CADPS: variants seen among roughly 807,000 people sequenced by gnomAD.
CADPS encodes calcium dependent secretion activator.
Under a neutral mutation model 167.3 loss-of-function variants are expected in CADPS, and 57 were observed. That is an observed-to-expected ratio of 0.34 (90% CI 0.28 to 0.42). The LOEUF (loss-of-function observed/expected upper bound fraction) is 0.42. Ranked by LOEUF, CADPS falls within the 20% of genes least tolerant of loss-of-function variation. The pLI, the probability that CADPS is intolerant of heterozygous loss-of-function variation, is 1.00. For missense variants in CADPS, 1,414 were observed against 1,738.1 expected, an observed-to-expected ratio of 0.81 and a Z score of 3.32; for synonymous variants, 676 against 635.3, an observed-to-expected ratio of 1.06 and a Z score of -0.96.
At chr3:62,609,796 C>T (rs2061238641) in intron 6 of CADPS, among the ~76,000 whole-genome samples, 1 of 152,050 alleles carries the variant, frequency 6.6e-6, no homozygotes, top group South Asian at 2.1e-4. Context: ...CCTTTAAAAA[C>T]CCAAGTAGAG....
At chr3:62,670,943 T>G (rs1305190072) in intron 3 of CADPS, among the ~76,000 whole-genome samples, 1 of 152,220 alleles carries the variant, frequency 6.6e-6, no homozygotes, top group Non-Finnish European at 1.5e-5. Context: ...CTTAGCTCTC[T>G]CTTCCACCCC....
intron 3 of CADPS, among the ~76,000 whole-genome samples, chr3:62,728,751 C>T (rs968223172): frequency 1.3e-5 from 2 of 151,874 alleles, no homozygotes; most frequent in Non-Finnish European, 2.9e-5. Context: ...GAAAGTGAAA[C>T]ATATCTGTGT....
rs147925292 is a variant in CADPS, at chr3:62,829,821, A to G, written c.441+44768T>C. Among the ~76,000 whole-genome samples, 1,018 of 152,308 alleles carry G rather than the reference A, an allele frequency of 6.7e-3. 45 individuals are homozygous for G. Among genetic ancestry groups the G allele is most frequent in the Admixed American group, 0.06 (911 of 15,290 alleles). On this transcript the variant is annotated intron_variant, in intron 1 of 29. Transcript: ENST00000383710. ...AGCCAAAAAATAGTTCCTACTGAGA[A>G]GGAACTACTGAGAAGAATGCAAAAT...
At chr3:62,538,542 G>A (rs775892316) in intron 11 of CADPS, among the ~76,000 whole-genome samples, 8 of 151,936 alleles carry the variant, frequency 5.3e-5, no homozygotes, top group Non-Finnish European at 1.2e-4. Flanking sequence ...TCCATCCCTC[G>A]CCTCCCAATT....
intron 12 of CADPS, among the ~76,000 whole-genome samples, chr3:62,535,230 CTTTTTCTTTTTT>C (rs1036378207): frequency 6.7e-6 from 1 of 148,256 alleles, no homozygotes; most frequent in African/African-American, 2.5e-5. Flanking sequence ...TTTTCTTTTT[CTTTTTCTTTTTT>C]TTTTTTTAAG....
chr3:62,686,787 C>A (rs1405201829), intron 3 of CADPS, among the ~76,000 whole-genome samples: 2 of 152,044 alleles, frequency 1.3e-5, no homozygotes. Context: ...TTTAAAATGA[C>A]CTTTTATTTA....
chr3:62,429,613 T>TTGTG (rs141798520), intron 28 of CADPS, among the ~76,000 whole-genome samples: 19 of 149,738 alleles, frequency 1.3e-4, no homozygotes, highest in African/African-American at 4.1e-4. Context: ...CTCTGTGTGT[T>TTGTG]TGTGTGTGTG....
At chr3:62,824,836 C>T (rs556335047) in intron 1 of CADPS, among the ~76,000 whole-genome samples, 170 of 152,178 alleles carry the variant, frequency 1.1e-3, no homozygotes, top group Non-Finnish European at 2.0e-3. Flanking sequence ...CTTCTAAGAA[C>T]GCTTGTTTTC....
At chr3:62,639,982 G>T (rs1323910432) in intron 6 of CADPS, among the ~76,000 whole-genome samples, 1 of 152,022 alleles carries the variant, frequency 6.6e-6, no homozygotes, top group East Asian at 1.9e-4. Context: ...ATTATAATCT[G>T]TTGTTACCCT....
At chr3:62,841,829 T>G (rs1308266285) in intron 1 of CADPS, among the ~76,000 whole-genome samples, 1 of 152,224 alleles carries the variant, frequency 6.6e-6, no homozygotes, top group African/African-American at 2.4e-5. Context: ...CAATTCTGTT[T>G]GCCAAATTTG....
intron 7 of CADPS, among the ~76,000 whole-genome samples, chr3:62,585,859 T>A (rs1190997860): frequency 6.6e-6 from 1 of 152,174 alleles, no homozygotes; most frequent in Non-Finnish European, 1.5e-5. Flanking sequence ...TTCAACCTGA[T>A]TTCACCTGGC....
rs1437720392 is a variant in CADPS at position 62,421,961 on chromosome 3, T to C, written c.3777+16143A>G. ...AAAGCAGGTTGTGTTATTTACATAT[T>C]TCTTTTGATAAGCCTCCTTGCCTGG... On this transcript the variant is annotated intron_variant, in intron 28 of 29. Transcript: ENST00000383710. The surrounding 1 kb of genome is among the most constrained non-coding windows in gnomAD (Gnocchi z 4.7). 1.3e-5 allele frequency among the ~76,000 whole-genome samples: 2 copies of C among 152,258 alleles called. No individual in the cohort carries two copies. Among genetic ancestry groups the C allele is most frequent in the Admixed American group, 6.5e-5 (1 of 15,284 alleles).
chr3:62,859,582 T>C (rs1346083865), intron 1 of CADPS, among the ~76,000 whole-genome samples: 6 of 152,172 alleles, frequency 3.9e-5, no homozygotes, highest in Admixed American at 1.3e-4. Context: ...TCTGTTTACT[T>C]TGAAGGTCTA....
rs372454686 is a variant in CADPS, at chr3:62,433,058, G to A, written c.3777+5046C>T. 9.9e-5 allele frequency among the ~76,000 whole-genome samples: 15 copies of A among 152,088 alleles called. No individual in the cohort carries two copies. Among genetic ancestry groups the A allele is most frequent in the East Asian group, 1.9e-4 (1 of 5,188 alleles). On this transcript the variant is annotated intron_variant, in intron 28 of 29. Transcript: ENST00000383710. The surrounding 1 kb of genome is among the most constrained non-coding windows in gnomAD (Gnocchi z 4.7). ...TGGTGATATACCTTACAGATATAGC[G>A]TCATGTCCTCCTTGTAGCCTATTAT...
Position 62,544,504 on chromosome 3 carries a change from G to T in CADPS, c.1966+5399C>A, listed in dbSNP as rs1182477360. ...TTTTCAGGCATTAAGCAGTCAGGTA[G>T]CTGTGAATTACATGAAACAAAGGCA... On this transcript the variant is annotated intron_variant, in intron 11 of 29. Transcript: ENST00000383710. The surrounding 1 kb of genome is among the most constrained non-coding windows in gnomAD (Gnocchi z 4.4). 2.0e-5 allele frequency among the ~76,000 whole-genome samples: 3 copies of T among 152,108 alleles called. No homozygotes were observed. Among genetic ancestry groups the T allele is most frequent in the Admixed American group, 1.3e-4 (2 of 15,260 alleles).
At chr3:62,573,592 G>A (rs2081706476) in intron 8 of CADPS, among the ~76,000 whole-genome samples, 1 of 152,144 alleles carries the variant, frequency 6.6e-6, no homozygotes, top group African/African-American at 2.4e-5. Context: ...TTGTGTATCT[G>A]TAATTCCTGA....
intron 3 of CADPS, among the ~76,000 whole-genome samples, chr3:62,699,642 T>C (rs2081025405): frequency 6.6e-6 from 1 of 152,062 alleles, no homozygotes; most frequent in Non-Finnish European, 1.5e-5. Context: ...CATCTTGGCT[T>C]ACTACATCCT....
chr3:62,502,093 T>C (rs1049840836), intron 17 of CADPS, among the ~76,000 whole-genome samples: 19 of 152,236 alleles, frequency 1.2e-4, no homozygotes, highest in African/African-American at 4.3e-4. Flanking sequence ...TTAGCTGTGA[T>C]TCCATCATCT....
At chr3:62,739,210 C>T (rs1272982278) in intron 3 of CADPS, among the ~76,000 whole-genome samples, 2 of 152,142 alleles carry the variant, frequency 1.3e-5, no homozygotes, top group Non-Finnish European at 1.5e-5. Flanking sequence ...TGTCCAATGG[C>T]CATGTGAAAA....
Sources: gnomAD v4.1 joint callset for allele counts (sites outside exome capture counted in the v4.1 genomes callset) on GRCh38, gnomAD v4.1.1 for gene constraint, Gnocchi (gnomAD v3.1) non-coding constraint, MANE v1.5 for transcripts, NCBI Gene and HGNC (gene_info 2026-07-23, HGNC 2026-07-21) for gene names.